The following CHST11 variants were observed in gnomAD, a reference collection of about 807,000 sequenced individuals.
CHST11 encodes C4S-1.
CHST11 carries 9 observed loss-of-function variants against 30.4 expected under a neutral mutation model. The ratio of observed to expected loss-of-function variants is 0.30; its 90% CI spans 0.18 to 0.52. The LOEUF (loss-of-function observed/expected upper bound fraction) is 0.52, where lower values mean the gene tolerates loss of function less well. CHST11 is among the 20% of genes least tolerant of loss of function. The probability of loss-of-function intolerance (pLI) is 0.97; values close to 1 mark genes in which losing one functional copy is unlikely to be tolerated. For missense variants in CHST11, 348 were observed against 460.6 expected (o/e 0.76, Z 2.24); for synonymous variants, 152 against 187.8 (o/e 0.81, Z 1.56).
intron 1 of CHST11, among the ~76,000 whole-genome samples, chr12:104,477,365 C>G (rs1415913129): frequency 1.3e-5 from 2 of 152,152 alleles, no homozygotes; most frequent in Non-Finnish European, 2.9e-5. Flanking sequence ...TCAAAGTGCT[C>G]TAATAAGAAC....
intron 2 of CHST11, among the ~76,000 whole-genome samples, chr12:104,747,583 C>T (rs2040398261): frequency 6.6e-6 from 1 of 152,078 alleles, no homozygotes; most frequent in South Asian, 2.1e-4. Context: ...CAAATCAGCT[C>T]ATCAGGTGCT....
chr12:104,557,603 T>C (rs894375240), intron 1 of CHST11, among the ~76,000 whole-genome samples: 4 of 151,396 alleles, frequency 2.6e-5, no homozygotes, highest in Admixed American at 2.6e-4. Flanking sequence ...GGTGGTCAGG[T>C]GGGCAGGCCT....
rs1051005562 is a variant in CHST11 at position 104,471,372 on chromosome 12, G to A, written c.118+13843G>A. Among the ~76,000 whole-genome samples, 14 of 152,148 alleles carry A rather than the reference G, an allele frequency of 9.2e-5. 1 individual carries two copies. Among genetic ancestry groups the A allele is most frequent in the Non-Finnish European group, 1.6e-4 (11 of 68,014 alleles). On this transcript the variant is annotated intron_variant, in intron 1 of 2. Coordinates refer to ENST00000303694, the MANE Select transcript of CHST11 (RefSeq NM_018413.6). ...AGAAAATCCCCCTTTTTGGGATAGC[G>A]GGTATGGAATTTTCAATGCTGATTT...
chr12:104,468,342 C>A (rs1402297145), intron 1 of CHST11, among the ~76,000 whole-genome samples: 1 of 152,078 alleles, frequency 6.6e-6, no homozygotes, highest in Non-Finnish European at 1.5e-5. Context: ...AGATTACTCC[C>A]CCATGGGACT....
chr12:104,756,907 G>A lies in CHST11; in HGVS notation c.205-42G>A, dbSNP rs531975589. ...CTTGTAGCCAAGTGGAAATGTTTCA[G>A]GCAAGTACTGAGTTCTTATTCGTCT... On this transcript the variant is annotated intron_variant, in intron 2 of 2. Coordinates refer to ENST00000303694, the MANE Select transcript of CHST11 (RefSeq NM_018413.6). 1.1e-4 allele frequency: 175 copies of A among 1,573,504 alleles called. 3 individuals are homozygous for A. The South Asian group carries it at 1.9e-3, about 18-fold the overall frequency.
rs112276762 is a variant in CHST11, at chr12:104,729,652, G to A, written c.205-27297G>A. On this transcript the variant is annotated intron_variant, in intron 2 of 2. Coordinates refer to ENST00000303694, the MANE Select transcript of CHST11 (RefSeq NM_018413.6). This position sits in a 1 kb window ranked among gnomAD's most constrained non-coding sequence, Gnocchi z 4.0. ...GTAAGGTCTAGCGTATTGTCTTCTC[G>A]CAACTTGAACCTTGCTGGAGAAGTG... 1.3e-5 allele frequency among the ~76,000 whole-genome samples: 2 copies of A among 152,186 alleles called. No homozygotes were observed. Among genetic ancestry groups the A allele is most frequent in the African/African-American group, 4.8e-5 (2 of 41,452 alleles).
At chr12:104,606,882 A>G (rs1335276180) in intron 2 of CHST11, among the ~76,000 whole-genome samples, 2 of 152,086 alleles carry the variant, frequency 1.3e-5, no homozygotes, top group East Asian at 3.8e-4. Flanking sequence ...AGCCTGGGCA[A>G]CATAGTGAAA....
intron 2 of CHST11, among the ~76,000 whole-genome samples, chr12:104,749,101 T>C (rs986739441): frequency 6.6e-6 from 1 of 152,220 alleles, no homozygotes; most frequent in Non-Finnish European, 1.5e-5. Context: ...GTTCCATACA[T>C]GAGGAAGCTT....
chr12:104,679,884 G>A (rs2039778142), intron 2 of CHST11, among the ~76,000 whole-genome samples: 1 of 152,168 alleles, frequency 6.6e-6, no homozygotes, highest in South Asian at 2.1e-4. Flanking sequence ...TGACTGTCCA[G>A]AGGAAGAGGC....
intron 2 of CHST11, among the ~76,000 whole-genome samples, chr12:104,654,687 G>T (rs535822610): frequency 2.6e-5 from 4 of 152,206 alleles, no homozygotes; most frequent in Admixed American, 2.6e-4. Context: ...CACTCACCAG[G>T]AGCAAGGAAC....
At chr12:104,667,208 A>G (rs959230960) in intron 2 of CHST11, among the ~76,000 whole-genome samples, 15 of 152,124 alleles carry the variant, frequency 9.9e-5, no homozygotes, top group African/African-American at 2.7e-4. Context: ...ATTGACTGCA[A>G]ACTTTTAAGA....
intron 1 of CHST11, among the ~76,000 whole-genome samples, chr12:104,557,191 G>C (rs921214202): frequency 2.0e-5 from 3 of 152,138 alleles, no homozygotes; most frequent in African/African-American, 7.2e-5. Flanking sequence ...CCACAACAGT[G>C]GGGATGTCTG....
chr12:104,514,582 G>A (rs1411271946), intron 1 of CHST11: 1 of 404,122 alleles, frequency 2.5e-6, no homozygotes, highest in East Asian at 5.2e-5. Context: ...TCTGCAGGCT[G>A]TACACGAAGT....
intron 2 of CHST11, among the ~76,000 whole-genome samples, chr12:104,727,951 ACGTGGATCCAGG>A (rs56267549): frequency 0.099 from 15,103 of 152,186 alleles, 832 homozygotes; most frequent in East Asian, 0.13. Context: ...GGGGAGAGAG[ACGTGGATCCAGG>A]CGTGGATCCA....
intron 2 of CHST11, among the ~76,000 whole-genome samples, chr12:104,669,660 A>G (rs2039672813): frequency 6.6e-6 from 1 of 152,180 alleles, no homozygotes; most frequent in African/African-American, 2.4e-5. Context: ...TGGCTTTGGG[A>G]TCCAGGCTGA....
intron 1 of CHST11, chr12:104,514,402 G>C (rs1276990114): frequency 1.1e-6 from 1 of 901,996 alleles, no homozygotes; most frequent in Non-Finnish European, 1.9e-6. Context: ...GGGCTCTTCT[G>C]TTTGATGGTT....
At chr12:104,651,470 C>T (rs1224014131) in intron 2 of CHST11, among the ~76,000 whole-genome samples, 3 of 152,204 alleles carry the variant, frequency 2.0e-5, no homozygotes, top group African/African-American at 4.8e-5. Flanking sequence ...AGAAAAACAG[C>T]TTAAATAAAA....
intron 2 of CHST11, among the ~76,000 whole-genome samples, chr12:104,732,915 C>T (rs1423732504): frequency 6.6e-6 from 1 of 152,234 alleles, no homozygotes. Flanking sequence ...TTTTTTTAAG[C>T]ACTTATTTCC....
At position 104,577,071 on chromosome 12, in the gene CHST11, C is replaced by G. The variant is rs530329259; in HGVS notation, c.119-24835C>G. ...ATGACTGTGGGTTCAGTCTAAGGCTCCAGGTGGGGTGCTTCAACAAAAGAC... is the reference window on the plus strand; with the variant it reads ...ATGACTGTGGGTTCAGTCTAAGGCTGCAGGTGGGGTGCTTCAACAAAAGAC... On this transcript the variant is annotated intron_variant, in intron 1 of 2. Transcript: ENST00000303694. Among the ~76,000 whole-genome samples, 6 of 151,910 alleles carry G rather than the reference C, an allele frequency of 3.9e-5. No individual in the cohort carries two copies. In the East Asian group the frequency reaches 1.2e-3, roughly 29 times the overall value.
Sources: gnomAD v4.1 joint callset for allele counts (sites outside exome capture counted in the v4.1 genomes callset) on GRCh38, gnomAD v4.1.1 for gene constraint, Gnocchi (gnomAD v3.1) non-coding constraint, MANE v1.5 for transcripts, NCBI Gene and HGNC (gene_info 2026-07-23, HGNC 2026-07-21) for gene names.